FMNL2: variants seen among roughly 807,000 people sequenced by gnomAD.
FMNL2 encodes formin like 2, also known as formin-like protein 2.
In FMNL2, 51 loss-of-function variants were observed where a neutral mutation model predicts 130.2. The ratio of observed to expected loss-of-function variants is 0.39; its 90% confidence interval spans 0.31 to 0.49. The LOEUF (loss-of-function observed/expected upper bound fraction) is 0.49, where lower values mean the gene tolerates loss of function less well. Ranked by LOEUF, FMNL2 falls within the 20% of genes least tolerant of loss-of-function variation. The pLI, the probability that FMNL2 is intolerant of heterozygous loss-of-function variation, is 0.85. For synonymous variants in FMNL2, 465 were observed against 467.1 expected, an observed-to-expected ratio of 1.00 and a Z score of 0.06; for missense variants, 977 against 1,316.2, an observed-to-expected ratio of 0.74 and a Z score of 3.99.
intron 1 of FMNL2, among the ~76,000 whole-genome samples, chr2:152,509,503 A>T (rs1692369612): frequency 6.6e-6 from 1 of 151,860 alleles, no homozygotes; most frequent in Non-Finnish European, 1.5e-5. Context: ...TTTCCCTCTC[A>T]TTGGATAAAA....
intron 23 of FMNL2, 29 bp from the exon 24 acceptor site, chr2:152,639,923 TAACATC>T: frequency 1.3e-6 from 2 of 1,519,438 alleles, no homozygotes; most frequent in African/African-American, 2.8e-5. Flanking sequence ...TCATTTCCAT[TAACATC>T]ATCTTTCTGG....
At chr2:152,382,026 T>G (rs957546793) in intron 1 of FMNL2, among the ~76,000 whole-genome samples, 4 of 152,150 alleles carry the variant, frequency 2.6e-5, no homozygotes, top group Non-Finnish European at 4.4e-5. Context: ...CTTGAACTTC[T>G]GGGTTCAAGT....
Position 152,607,393 on chromosome 2 carries a change from G to C in FMNL2, c.931G>C (p.Asp311His). 6.2e-7 allele frequency: 1 copy of C among 1,612,712 alleles called. No individual in the cohort carries two copies. Among genetic ancestry groups the C allele is most frequent in the Non-Finnish European group, 8.5e-7 (1 of 1,179,406 alleles). ...EKLMEHFRNE[D>H]NNIDFMVASM... The stretch of plus-strand genomic sequence containing the variant: ...GTTGATGGAACATTTCAGGAATGAA[G>C]ACAATAACATAGATTTTATGGTGAG... The change falls in exon 10 of 26, where the codon GAC becomes CAC. Residue 311 changes from aspartate (D) to histidine (H), a missense_variant. Physicochemically the swap from Asp to His is moderately conservative, Grantham distance 81. This residue lies in a region of FMNL2 where 689 missense variants were observed against 995.9 expected (regional missense o/e 0.69). Transcript: ENST00000288670.
chr2:152,425,524 A>T (rs1378555726), intron 1 of FMNL2, among the ~76,000 whole-genome samples: 1 of 152,230 alleles, frequency 6.6e-6, no homozygotes, highest in Non-Finnish European at 1.5e-5. Context: ...TCAAACAAAA[A>T]CCAAAAATAA....
chr2:152,619,368 G>T, intron 14 of FMNL2, 141 bp from the exon 15 acceptor site: 1 of 1,382,616 alleles, frequency 7.2e-7, no homozygotes, highest in African/African-American at 1.5e-5. Context: ...ACATGTCAAT[G>T]AGGACATTTT....
chr2:152,429,756 A>T (rs909096246), intron 1 of FMNL2, among the ~76,000 whole-genome samples: 2 of 152,098 alleles, frequency 1.3e-5, no homozygotes, highest in Non-Finnish European at 2.9e-5. Flanking sequence ...ACACAGTATG[A>T]TGGGGATCTA....
intron 1 of FMNL2, among the ~76,000 whole-genome samples, chr2:152,365,352 A>G (rs1579488608): frequency 6.6e-6 from 1 of 152,178 alleles, no homozygotes; most frequent in Non-Finnish European, 1.5e-5. Context: ...TATAGTTGCT[A>G]TGGCTAGAAG....
At chr2:152,573,822 T>A (rs536655277) in intron 6 of FMNL2, among the ~76,000 whole-genome samples, 7 of 152,370 alleles carry the variant, frequency 4.6e-5, no homozygotes, top group African/African-American at 1.7e-4. Context: ...CTCATTTTTT[T>A]ATTGACATTT....
intron 1 of FMNL2, among the ~76,000 whole-genome samples, chr2:152,501,779 T>A (rs1340351638): frequency 6.6e-6 from 1 of 152,196 alleles, no homozygotes; most frequent in East Asian, 1.9e-4. Flanking sequence ...AGAATGAATC[T>A]TGTGAAAGTC....
chr2:152,384,857 T>C (rs1176038121), intron 1 of FMNL2, among the ~76,000 whole-genome samples: 1 of 152,196 alleles, frequency 6.6e-6, no homozygotes, highest in Non-Finnish European at 1.5e-5. Flanking sequence ...TAAGAAAAAA[T>C]AGCTACACTC....
intron 1 of FMNL2, among the ~76,000 whole-genome samples, chr2:152,515,728 T>C (rs1210792353): frequency 6.6e-6 from 1 of 152,144 alleles, no homozygotes; most frequent in Non-Finnish European, 1.5e-5. Context: ...CTCTGTTAAA[T>C]AGAAAAGATA....
chr2:152,387,660 T>A (rs1443261489), intron 1 of FMNL2, among the ~76,000 whole-genome samples: 1 of 152,026 alleles, frequency 6.6e-6, no homozygotes, highest in Non-Finnish European at 1.5e-5. Context: ...TTTCTTTTTT[T>A]TTGGTGGGAA....
chr2:152,424,178 A>G (rs1687056211), intron 1 of FMNL2, among the ~76,000 whole-genome samples: 2 of 152,126 alleles, frequency 1.3e-5, no homozygotes, highest in Non-Finnish European at 2.9e-5. Context: ...TTTGTTTAGC[A>G]TTCCCCTGTC....
chr2:152,483,576 T>G (rs1413178295), intron 1 of FMNL2, among the ~76,000 whole-genome samples: 1 of 152,204 alleles, frequency 6.6e-6, no homozygotes, highest in Non-Finnish European at 1.5e-5. Context: ...CATCAGGATC[T>G]GAACAGCAAA....
intron 1 of FMNL2, among the ~76,000 whole-genome samples, chr2:152,375,639 G>C (rs1379872127): frequency 1.3e-5 from 2 of 151,776 alleles, no homozygotes; most frequent in African/African-American, 4.8e-5. Context: ...TGGCTTTTCT[G>C]TTTTAAGATT....
At chr2:152,474,923 G>A (rs1690065036) in intron 1 of FMNL2, among the ~76,000 whole-genome samples, 1 of 152,180 alleles carries the variant, frequency 6.6e-6, no homozygotes, top group Non-Finnish European at 1.5e-5. Context: ...TTGATTGCAA[G>A]GTTTTTGTCT....
At chr2:152,440,405 GC>G (rs1687992549) in intron 1 of FMNL2, among the ~76,000 whole-genome samples, 1 of 152,224 alleles carries the variant, frequency 6.6e-6, no homozygotes, top group Non-Finnish European at 1.5e-5. Context: ...TGTCAGTACA[GC>G]CATAAATGCT....
intron 1 of FMNL2, among the ~76,000 whole-genome samples, chr2:152,411,603 A>G (rs565092699): frequency 1.1e-4 from 17 of 152,300 alleles, no homozygotes; most frequent in African/African-American, 3.8e-4. Context: ...CATCACTGTA[A>G]GTAGGATTAC....
At chr2:152,369,829 G>C (rs77752189) in intron 1 of FMNL2, among the ~76,000 whole-genome samples, 1 of 152,284 alleles carries the variant, frequency 6.6e-6, no homozygotes, top group African/African-American at 2.4e-5. Flanking sequence ...CATGGGGAAG[G>C]CATTTATAGC....
Sources: gnomAD v4.1 joint callset for allele counts (sites outside exome capture counted in the v4.1 genomes callset) on GRCh38, gnomAD v4.1.1 for gene constraint, gnomAD v4.1.1 regional missense constraint, MANE v1.5 for transcripts, NCBI Gene and HGNC (gene_info 2026-07-23, HGNC 2026-07-21) for gene names.